Variants in ZCCHC17 observed in about 807,000 individuals in gnomAD.
ZCCHC17 encodes the protein zinc finger CCHC domain-containing protein 17.
A neutral mutation model predicts 30.6 loss-of-function variants in ZCCHC17; 18 were observed. The observed-to-expected ratio is 0.59, with a 90% confidence interval of 0.41 to 0.87. The LOEUF (loss-of-function observed/expected upper bound fraction) is 0.87. ZCCHC17 is among the 40% of genes least tolerant of loss of function. ZCCHC17 has a pLI of 0.00. For missense variants in ZCCHC17, 263 were observed against 284.2 expected, an observed-to-expected ratio of 0.93 and a Z score of 0.54; for synonymous variants, 88 against 92.4, an observed-to-expected ratio of 0.95 and a Z score of 0.27.
intron 3 of ZCCHC17, among the ~76,000 whole-genome samples, chr1:31,320,264 A>C (rs966334205): frequency 6.6e-6 from 1 of 152,222 alleles, no homozygotes; most frequent in African/African-American, 2.4e-5. Flanking sequence ...AGCTAATCTC[A>C]AAAGGTTATA....
In ZCCHC17 at chr1:31,341,173, A is replaced by G. The variant is rs182970768; in HGVS notation, c.317+2125A>G. ...TTGCATGTGACTTACAGAACTTTTC[A>G]TATTTCTGTGGTTTAGTCTCTAAAT... is the stretch of plus-strand genomic sequence containing the variant. On this transcript the variant is annotated intron_variant, in intron 5 of 7. Transcript: ENST00000344147. Among the ~76,000 whole-genome samples the G allele has an allele frequency of 1.8e-4, 27 of 152,318 alleles. No homozygotes were observed. In the East Asian group the frequency reaches 4.8e-3, roughly 27 times the overall value.
intron 1 of ZCCHC17, among the ~76,000 whole-genome samples, chr1:31,297,653 G>A (rs1026070022): frequency 6.6e-6 from 1 of 152,160 alleles, no homozygotes; most frequent in Non-Finnish European, 1.5e-5. Context: ...TGGGGAAAAC[G>A]TTAAACAATG....
intron 3 of ZCCHC17, among the ~76,000 whole-genome samples, chr1:31,336,096 G>A (rs1638808177): frequency 6.6e-6 from 1 of 151,812 alleles, no homozygotes; most frequent in African/African-American, 2.4e-5. Context: ...TTGTGAGATG[G>A]GGGTCTTGCT....
intron 2 of ZCCHC17, among the ~76,000 whole-genome samples, chr1:31,312,674 A>C (rs1201867105): frequency 2.0e-5 from 3 of 152,222 alleles, no homozygotes; most frequent in Non-Finnish European, 4.4e-5. Flanking sequence ...GAGACATAGT[A>C]GGAATTAATT....
chr1:31,331,241 A>C (rs1638571583), intron 3 of ZCCHC17, among the ~76,000 whole-genome samples: 1 of 151,952 alleles, frequency 6.6e-6, no homozygotes, highest in Non-Finnish European at 1.5e-5. Context: ...CTCCGGTTCA[A>C]GTGATTCCTG....
chr1:31,339,335 T>TA (rs1319175789), intron 5 of ZCCHC17, among the ~76,000 whole-genome samples: 22 of 152,244 alleles, frequency 1.4e-4, no homozygotes, highest in African/African-American at 5.3e-4. Context: ...CCGTCTCTAC[T>TA]AAAAATACAA....
chr1:31,315,920 G>A (rs1360340318), intron 2 of ZCCHC17, among the ~76,000 whole-genome samples: 1 of 152,150 alleles, frequency 6.6e-6, no homozygotes, highest in Admixed American at 6.5e-5. Flanking sequence ...AAACAGTTGA[G>A]TGCATCCATT....
At chr1:31,339,117 G>T in intron 5 of ZCCHC17, 69 bp downstream of exon 5, 1 of 1,102,040 alleles carries the variant, frequency 9.1e-7, no homozygotes, top group Non-Finnish European at 1.3e-6. Flanking sequence ...TAGTAAATCA[G>T]ACTGAACTGG....
intron 3 of ZCCHC17, among the ~76,000 whole-genome samples, chr1:31,320,274 A>G (rs768784382): frequency 2.0e-5 from 3 of 152,236 alleles, no homozygotes; most frequent in Non-Finnish European, 4.4e-5. Flanking sequence ...AAAAGGTTAT[A>G]CACTTTATGA....
rs750152082 is a variant in ZCCHC17 at position 31,319,169 on chromosome 1, A to G, written c.124+3A>G. On this transcript the variant is annotated splice_donor_region_variant and intron_variant, in intron 3 of 7. Coordinates refer to ENST00000344147, the MANE Select transcript of ZCCHC17 (RefSeq NM_016505.4). ...AATCCCAGGCTGTCGGAAGCAAGGT[A>G]GGAGTTTATAACTTGAAATTCAGCC... The G allele has an allele frequency of 1.9e-6, 3 of 1,609,254 alleles. No individual in the cohort carries two copies. Among genetic ancestry groups the G allele is most frequent in the Non-Finnish European group, 1.7e-6 (2 of 1,176,466 alleles).
chr1:31,332,907 C>T (rs1638646090), intron 3 of ZCCHC17, among the ~76,000 whole-genome samples: 1 of 152,118 alleles, frequency 6.6e-6, no homozygotes, highest in Non-Finnish European at 1.5e-5. Context: ...CAAGCATGAG[C>T]CACCGCGCTT....
At chr1:31,320,541 T>C (rs955219838) in intron 3 of ZCCHC17, among the ~76,000 whole-genome samples, 3 of 152,236 alleles carry the variant, frequency 2.0e-5, no homozygotes, top group African/African-American at 7.2e-5. Context: ...TTTGCTTATT[T>C]TGTACATTTC....
At chr1:31,324,978 G>A (rs1638278280) in intron 3 of ZCCHC17, among the ~76,000 whole-genome samples, 1 of 152,166 alleles carries the variant, frequency 6.6e-6, no homozygotes, top group Admixed American at 6.5e-5. Flanking sequence ...TCCTGGGCCT[G>A]CCCATGGACC....
chr1:31,348,722 T>C, intron 6 of ZCCHC17, 107 bp from the exon 7 acceptor site: 1 of 1,372,298 alleles, frequency 7.3e-7, no homozygotes, highest in Non-Finnish European at 1.0e-6. Context: ...AACTCAACAA[T>C]ATTTCCTGAG....
intron 3 of ZCCHC17, among the ~76,000 whole-genome samples, chr1:31,332,880 C>T (rs1638644716): frequency 1.3e-5 from 2 of 152,016 alleles, no homozygotes; most frequent in Admixed American, 6.6e-5. Context: ...GCTCAGCCTC[C>T]GAAGGTGCTG....
chr1:31,312,918 G>A (rs779008915), intron 2 of ZCCHC17, among the ~76,000 whole-genome samples: 7 of 151,502 alleles, frequency 4.6e-5, no homozygotes, highest in South Asian at 2.1e-4. Flanking sequence ...GATTACAGGC[G>A]CCCACCACCA....
At chr1:31,351,193 C>T (rs1639457243) in intron 7 of ZCCHC17, among the ~76,000 whole-genome samples, 1 of 152,158 alleles carries the variant, frequency 6.6e-6, no homozygotes, top group Admixed American at 6.5e-5. Context: ...AAGAAAGAAA[C>T]CAATGTCATT....
At chr1:31,325,710 G>A (rs534884354) in intron 3 of ZCCHC17, among the ~76,000 whole-genome samples, 5 of 152,384 alleles carry the variant, frequency 3.3e-5, no homozygotes, top group African/African-American at 1.2e-4. Context: ...CCAAGTGGAT[G>A]GAACAGGCCT....
At chr1:31,314,285 CA>C (rs755416796) in intron 2 of ZCCHC17, among the ~76,000 whole-genome samples, 6 of 152,026 alleles carry the variant, frequency 3.9e-5, no homozygotes, top group Non-Finnish European at 7.4e-5. Flanking sequence ...CTTACTATTT[CA>C]GTAGCATATT....
Sources: gnomAD v4.1 joint callset for allele counts (sites outside exome capture counted in the v4.1 genomes callset) on GRCh38, gnomAD v4.1.1 for gene constraint, MANE v1.5 for transcripts, NCBI Gene and HGNC (gene_info 2026-07-23, HGNC 2026-07-21) for gene names.